Variants in PAX7 observed in about 807,000 individuals in gnomAD.
The protein encoded by PAX7 is paired box protein Pax-7.
A neutral mutation model predicts 50.7 loss-of-function variants in PAX7; 18 were observed. That is an observed-to-expected ratio of 0.36 (90% CI 0.25 to 0.53). The LOEUF is 0.53. PAX7 is among the 20% of genes least tolerant of loss of function. The pLI, the probability that PAX7 is intolerant of heterozygous loss-of-function variation, is 0.93. For missense variants in PAX7, 644 were observed against 702.9 expected (o/e 0.92, Z 0.95); for synonymous variants, 310 against 290.4 (o/e 1.07, Z -0.69).
At chr1:18,693,642 G>C (rs1451034999) in intron 5 of PAX7, among the ~76,000 whole-genome samples, 1 of 152,186 alleles carries the variant, frequency 6.6e-6, no homozygotes, top group Non-Finnish European at 1.5e-5. Context: ...GAGACCCCAA[G>C]GGGAAAGAGG....
At chr1:18,731,938 G>T in intron 7 of PAX7, among the ~76,000 whole-genome samples, 1 of 152,260 alleles carries the variant, frequency 6.6e-6, no homozygotes, top group East Asian at 1.9e-4. Flanking sequence ...ACAAGCCCTC[G>T]CAGCTCCTGG....
At chr1:18,648,797 G>A (rs1333288523) in intron 4 of PAX7, among the ~76,000 whole-genome samples, 1 of 152,198 alleles carries the variant, frequency 6.6e-6, no homozygotes, top group Non-Finnish European at 1.5e-5. Flanking sequence ...GTAGGGGACT[G>A]ATGGATTCAC....
rs199662942 is a variant in PAX7, at chr1:18,703,250, C to A, written c.1109C>A (p.Ala370Glu). Residue 370 changes from alanine to glutamate, a missense_variant, in exon 7 of 9, where the codon GCG (alanine) becomes GAG (glutamate). Transcript: ENST00000420770. The part of the protein sequence containing the change: ...SYSDSFMNPA[A>E]PSNHMNPVSN... ...TCTGACAGCTTCATGAATCCGGCGG[C>A]GCCCTCCAACCACATGAACCCGGTC... The A allele has an allele frequency of 1.9e-6, 3 of 1,614,010 alleles. No homozygotes were observed.
At chr1:18,653,864 G>A (rs529449524) in intron 4 of PAX7, among the ~76,000 whole-genome samples, 13 of 152,172 alleles carry the variant, frequency 8.5e-5, no homozygotes, top group African/African-American at 3.1e-4. Context: ...ACAATAAAAG[G>A]TTTAAATGCC....
chr1:18,635,211 GGCACTGTGACCGAA>G lies in PAX7; in HGVS notation c.431_444del (p.Asp144AlafsTer9). On this transcript the variant is annotated frameshift_variant, in exon 3 of 9. Coordinates refer to ENST00000420770, the MANE Select transcript of PAX7 (RefSeq NM_001135254.2). LOFTEE classifies it high-confidence loss of function. ...ATCCGGGACAGGCTGCTGAAGGATG[GGCACTGTGACCGAA>G]GCACTGTGCCCTCAGGTGAGAAGGC... 1 of 1,613,852 alleles carries G rather than the reference GGCACTGTGACCGAA, an allele frequency of 6.2e-7. No individual in the cohort carries two copies. The highest frequency in any genetic ancestry group is 8.5e-7 in the Non-Finnish European group (1 of 1,179,888).
At position 18,748,736 on chromosome 1, in the gene PAX7, A is replaced by G. The variant is rs574236088; in HGVS notation, c.*3807A>G. 537 of 229,922 alleles carry G rather than the reference A, an allele frequency of 2.3e-3. 1 individual carries two copies. The highest frequency in any genetic ancestry group is 3.5e-3 in the Non-Finnish European group (411 of 115,988). The allele number at this position is 229,922 out of a possible 1,614,324, so 14.2% of individuals were successfully genotyped here. A position where few individuals can be genotyped will look rare whatever the true frequency, so the allele number is the denominator to read the frequency against. On this transcript the variant is annotated 3_prime_UTR_variant, in exon 9 of 9. Coordinates refer to ENST00000420770, the MANE Select transcript of PAX7 (RefSeq NM_001135254.2). The stretch of plus-strand genomic sequence containing the variant: ...GTGTGTGTTTAAATATAATCACACC[A>G]TAATTTATTCAGCTATATGGAGTAG...
At position 18,700,100 on chromosome 1, in the gene PAX7, G is replaced by A. The variant is rs2089199021; in HGVS notation, c.787-553G>A. Among the ~76,000 whole-genome samples, 1 of 151,914 alleles carries A rather than the reference G, an allele frequency of 6.6e-6. No homozygotes were observed. Among genetic ancestry groups the A allele is most frequent in the Non-Finnish European group, 1.5e-5 (1 of 67,980 alleles). On this transcript the variant is annotated intron_variant, in intron 5 of 8. Coordinates refer to ENST00000420770, the MANE Select transcript of PAX7 (RefSeq NM_001135254.2). The surrounding 1 kb of genome is among the most constrained non-coding windows in gnomAD (Gnocchi z 4.8). ...TCCGTGTGTGTGTGTGTGTGTGTGT[G>A]TGTGTGTGTGTGTGTGTTTCCTATT... is the stretch of plus-strand genomic sequence containing the variant.
intron 4 of PAX7, among the ~76,000 whole-genome samples, chr1:18,670,743 C>T (rs914690383): frequency 3.3e-5 from 5 of 152,200 alleles, no homozygotes; most frequent in East Asian, 1.9e-4. Flanking sequence ...GCCATGGAGA[C>T]GACAGCCCGG....
At chr1:18,656,698 A>AG (rs143429712) in intron 4 of PAX7, among the ~76,000 whole-genome samples, 4,325 of 151,864 alleles carry the variant, frequency 0.028, 211 homozygotes, top group African/African-American at 0.097. Context: ...CATAAAAAAA[A>AG]GGGGGGGATA....
intron 4 of PAX7, among the ~76,000 whole-genome samples, chr1:18,660,621 A>T (rs963623932): frequency 1.6e-4 from 24 of 152,162 alleles, no homozygotes; most frequent in Non-Finnish European, 1.5e-5. Flanking sequence ...TGACCCCTGC[A>T]ACCTGTATTT....
chr1:18,718,666 G>A (rs2089458295), intron 7 of PAX7, among the ~76,000 whole-genome samples: 1 of 150,146 alleles, frequency 6.7e-6, no homozygotes, highest in African/African-American at 2.5e-5. Context: ...TTTTTGAGAT[G>A]GGAGTCTCGC....
At chr1:18,652,256 C>G (rs375745942) in intron 4 of PAX7, among the ~76,000 whole-genome samples, 2 of 152,114 alleles carry the variant, frequency 1.3e-5, no homozygotes, top group South Asian at 2.1e-4. Context: ...CCCCGCCCCC[C>G]CATTGCCCCA....
intron 6 of PAX7, among the ~76,000 whole-genome samples, chr1:18,702,107 C>T (rs371619448): frequency 2.6e-5 from 4 of 151,450 alleles, no homozygotes; most frequent in African/African-American, 7.3e-5. Context: ...CTGAGGCGGG[C>T]GGATCTCTTG....
intron 4 of PAX7, among the ~76,000 whole-genome samples, chr1:18,682,328 A>G (rs1197097955): frequency 1.3e-5 from 2 of 152,130 alleles, no homozygotes; most frequent in Non-Finnish European, 2.9e-5. Context: ...GGACCTGGCC[A>G]TGGAGCCTGA....
chr1:18,635,513 G>GGAAGGAAGGAAGGAAA (rs892680614), intron 3 of PAX7, among the ~76,000 whole-genome samples: 2 of 148,106 alleles, frequency 1.4e-5, no homozygotes, highest in Admixed American at 6.7e-5. Context: ...AAGGAAGGTA[G>GGAAGGAAGGAAGGAAA]GAAGGAAGGA....
Position 18,631,243 on chromosome 1 carries a change from C to G in PAX7, c.-361C>G. ...CCGGCCGCGTTCCCCCGGCCCCCCT[C>G]CGCCGCGGGGCCTGGTCTCCGGGTT... On this transcript the variant is annotated 5_prime_UTR_variant, in exon 1 of 9. Transcript: ENST00000420770. 4.0e-6 allele frequency: 1 copy of G among 250,272 alleles called. No individual in the cohort carries two copies. The allele number at this position is 250,272 out of a possible 1,614,324, so 15.5% of individuals were successfully genotyped here.
intron 7 of PAX7, among the ~76,000 whole-genome samples, chr1:18,734,637 G>C (rs2089688689): frequency 6.6e-6 from 1 of 152,070 alleles, no homozygotes; most frequent in Admixed American, 6.6e-5. Context: ...AGGATGACTG[G>C]GTGCCCTCCT....
intron 7 of PAX7, among the ~76,000 whole-genome samples, chr1:18,725,993 T>TGC (rs61357866): frequency 2.0e-5 from 3 of 148,532 alleles, no homozygotes; most frequent in Non-Finnish European, 4.5e-5. Context: ...TGTGTGTGTG[T>TGC]GCGCGCGCGC....
intron 7 of PAX7, among the ~76,000 whole-genome samples, chr1:18,732,227 A>C (rs1363052040): frequency 6.6e-6 from 1 of 152,042 alleles, no homozygotes; most frequent in African/African-American, 2.4e-5. Context: ...TCACTTGTTT[A>C]TTGTCAGCTT....
Sources: allele counts gnomAD v4.1 joint callset (sites outside exome capture counted in the v4.1 genomes callset), GRCh38; gene constraint gnomAD v4.1.1; non-coding constraint Gnocchi (gnomAD v3.1); transcripts MANE v1.5; gene names NCBI Gene and HGNC (gene_info 2026-07-23, HGNC 2026-07-21).